Variants in CAMTA1 observed in about 807,000 individuals in gnomAD.
CAMTA1 encodes calmodulin binding transcription activator 1, also known as calmodulin-binding transcription activator 1.
In CAMTA1, 27 loss-of-function variants were observed where a neutral mutation model predicts 170.9. The observed-to-expected ratio is 0.16, with a 90% CI of 0.12 to 0.22. The LOEUF (loss-of-function observed/expected upper bound fraction) is 0.22, where lower values mean the gene tolerates loss of function less well. Among genes scored for constraint, CAMTA1 ranks in the 10% least tolerant of loss-of-function variants. CAMTA1 has a pLI of 1.00. For missense variants in CAMTA1, 1,619 were observed against 2,217.2 expected (o/e 0.73, Z 5.42); for synonymous variants, 833 against 891.5 (o/e 0.93, Z 1.17).
At chr1:7,061,942 G>A (rs529712223) in intron 3 of CAMTA1, among the ~76,000 whole-genome samples, 53 of 152,224 alleles carry the variant, frequency 3.5e-4, no homozygotes, top group South Asian at 2.5e-3. Flanking sequence ...TTTTGAGACC[G>A]AGTTTTGTTC....
chr1:6,964,473 T>C (rs984009506), intron 3 of CAMTA1, among the ~76,000 whole-genome samples: 6 of 152,190 alleles, frequency 3.9e-5, no homozygotes, highest in Non-Finnish European at 7.4e-5. Flanking sequence ...GTCCCACCTT[T>C]TATCTGACAC....
At chr1:7,039,867 C>T (rs558865646) in intron 3 of CAMTA1, among the ~76,000 whole-genome samples, 1 of 151,876 alleles carries the variant, frequency 6.6e-6, no homozygotes, top group Non-Finnish European at 1.5e-5. Context: ...ATAGACAAGT[C>T]ATTTCAATTG....
chr1:7,720,468 C>T (rs972604319), intron 11 of CAMTA1, among the ~76,000 whole-genome samples: 1 of 152,126 alleles, frequency 6.6e-6, no homozygotes, highest in East Asian at 1.9e-4. Flanking sequence ...TGCAACCTCC[C>T]TCTCCCAGGT....
Position 7,478,538 on chromosome 1 carries a change from G to A in CAMTA1, c.510+10637G>A, listed in dbSNP as rs1454885439. ...GAGGAAGGATGAAGCTTCCGGAGCC[G>A]CAGTTCCTTAGAGATGGAAATTATT... On this transcript the variant is annotated intron_variant, in intron 6 of 22. Coordinates refer to ENST00000303635, the MANE Select transcript of CAMTA1 (RefSeq NM_015215.4). Among the ~76,000 whole-genome samples, 6 of 152,330 alleles carry A rather than the reference G, an allele frequency of 3.9e-5. No individual in the cohort carries two copies. The South Asian group carries it at 1.0e-3, about 26-fold the overall frequency.
chr1:7,514,470 A>G (rs2094251343), intron 6 of CAMTA1, among the ~76,000 whole-genome samples: 1 of 152,260 alleles, frequency 6.6e-6, no homozygotes, highest in Non-Finnish European at 1.5e-5. Context: ...ATCACGGAGC[A>G]CTTGCAGATG....
intron 6 of CAMTA1, among the ~76,000 whole-genome samples, chr1:7,623,345 T>C (rs1258436720): frequency 6.6e-6 from 1 of 152,180 alleles, no homozygotes; most frequent in Non-Finnish European, 1.5e-5. Context: ...CCCTACTCTA[T>C]AGAAGAGGCA....
At chr1:7,716,846 A>G (rs1352706186) in intron 11 of CAMTA1, among the ~76,000 whole-genome samples, 1 of 152,380 alleles carries the variant, frequency 6.6e-6, no homozygotes, top group East Asian at 1.9e-4. Context: ...CACTGTTCAC[A>G]ATAACCAGGA....
intron 11 of CAMTA1, among the ~76,000 whole-genome samples, chr1:7,725,714 G>A (rs752527032): frequency 6.6e-6 from 1 of 152,218 alleles, no homozygotes; most frequent in Non-Finnish European, 1.5e-5. Flanking sequence ...AACTGCCTGG[G>A]ACCTTGTTAG....
chr1:7,384,378 C>A (rs542462524), intron 5 of CAMTA1, among the ~76,000 whole-genome samples: 1 of 152,188 alleles, frequency 6.6e-6, no homozygotes, highest in South Asian at 2.1e-4. Context: ...GGCTGCAGAC[C>A]TCACCTGGAT....
intron 6 of CAMTA1, among the ~76,000 whole-genome samples, chr1:7,569,459 T>A (rs2095098053): frequency 6.7e-6 from 1 of 149,278 alleles, no homozygotes; most frequent in Non-Finnish European, 1.5e-5. Context: ...TCACCACCAC[T>A]ATCAGTATCT....
intron 22 of CAMTA1, among the ~76,000 whole-genome samples, chr1:7,760,805 G>A (rs968181157): frequency 2.6e-5 from 4 of 152,156 alleles, no homozygotes; most frequent in African/African-American, 4.8e-5. Context: ...AGCCGCATCC[G>A]CTGCCCTGTC....
intron 5 of CAMTA1, among the ~76,000 whole-genome samples, chr1:7,318,017 G>C (rs1677793118): frequency 6.6e-6 from 1 of 152,186 alleles, no homozygotes; most frequent in Non-Finnish European, 1.5e-5. Flanking sequence ...TGGATGGCCT[G>C]GGGAAATGGG....
intron 3 of CAMTA1, among the ~76,000 whole-genome samples, chr1:6,919,581 G>A (rs999438554): frequency 2.6e-5 from 4 of 152,168 alleles, no homozygotes; most frequent in Admixed American, 6.5e-5. Context: ...CCTTGATGAT[G>A]AAGACCAGTC....
chr1:7,057,070 G>C (rs1439364647), intron 3 of CAMTA1, among the ~76,000 whole-genome samples: 1 of 152,196 alleles, frequency 6.6e-6, no homozygotes, highest in African/African-American at 2.4e-5. Flanking sequence ...CCCTTCTCTC[G>C]GGTGGGGAGG....
intron 6 of CAMTA1, among the ~76,000 whole-genome samples, chr1:7,515,158 C>T (rs1452992504): frequency 1.3e-5 from 2 of 151,540 alleles, no homozygotes; most frequent in Non-Finnish European, 2.9e-5. Context: ...CTGGTCCTCC[C>T]CGGCTCCCTC....
intron 3 of CAMTA1, among the ~76,000 whole-genome samples, chr1:7,058,341 T>C (rs1329551479): frequency 6.6e-6 from 1 of 152,188 alleles, no homozygotes; most frequent in Non-Finnish European, 1.5e-5. Context: ...TGTCTCTTTT[T>C]AAGAGAAAAA....
intron 3 of CAMTA1, among the ~76,000 whole-genome samples, chr1:6,909,074 AG>A (rs1478874797): frequency 1.3e-5 from 2 of 152,352 alleles, no homozygotes; most frequent in Admixed American, 1.3e-4. Flanking sequence ...CAATGGTGAC[AG>A]GTAGGATTAA....
At chr1:6,904,886 C>A (rs1678030045) in intron 3 of CAMTA1, among the ~76,000 whole-genome samples, 1 of 152,022 alleles carries the variant, frequency 6.6e-6, no homozygotes, top group Non-Finnish European at 1.5e-5. Context: ...AGCCGCCACA[C>A]CTGGCCTAAG....
rs187543329 is a variant in CAMTA1 at position 7,272,995 on chromosome 1, G to A, written c.438+23369G>A. Among the ~76,000 whole-genome samples, 666 of 152,154 alleles carry A rather than the reference G, an allele frequency of 4.4e-3. 11 individuals carry two copies. The highest frequency in any genetic ancestry group is 0.032 in the Admixed American group (487 of 15,286). On this transcript the variant is annotated intron_variant, in intron 5 of 22. Coordinates refer to ENST00000303635, the MANE Select transcript of CAMTA1 (RefSeq NM_015215.4). ...ATATATGAATAGCCAATTAACACACGAAAATATATTTAACAGCATCATTAA... is the reference window on the plus strand; with the variant it reads ...ATATATGAATAGCCAATTAACACACAAAAATATATTTAACAGCATCATTAA...
Sources: gnomAD v4.1 joint callset for allele counts (sites outside exome capture counted in the v4.1 genomes callset) on GRCh38, gnomAD v4.1.1 for gene constraint, MANE v1.5 for transcripts, NCBI Gene and HGNC (gene_info 2026-07-23, HGNC 2026-07-21) for gene names.